Variants in OPCML observed in about 807,000 individuals in gnomAD.
OPCML encodes opioid-binding protein/cell adhesion molecule.
In OPCML, 13 loss-of-function variants were observed where a neutral mutation model predicts 37.8. The observed-to-expected ratio is 0.34, with a 90% CI of 0.22 to 0.55. The LOEUF is 0.55. Ranked by LOEUF, OPCML falls within the 20% of genes least tolerant of loss-of-function variation. The probability of loss-of-function intolerance (pLI) is 0.91; values close to 1 mark genes in which losing one functional copy is unlikely to be tolerated. For synonymous variants in OPCML, 176 were observed against 168.8 expected, an observed-to-expected ratio of 1.04 and a Z score of -0.33; for missense variants, 341 against 435.6, an observed-to-expected ratio of 0.78 and a Z score of 1.93.
chr11:133,345,908 T>C (rs1418237123), intron 1 of OPCML, among the ~76,000 whole-genome samples: 1 of 152,194 alleles, frequency 6.6e-6, no homozygotes, highest in Non-Finnish European at 1.5e-5. Context: ...ACACAGGCAC[T>C]CTAGATTTCG....
At chr11:133,264,870 G>A (rs1036984013) in intron 1 of OPCML, among the ~76,000 whole-genome samples, 1 of 152,108 alleles carries the variant, frequency 6.6e-6, no homozygotes, top group Non-Finnish European at 1.5e-5. Context: ...TCGGAGGGAG[G>A]GTTCTAATAT....
chr11:133,370,387 A>T (rs1438827523), intron 1 of OPCML, among the ~76,000 whole-genome samples: 2 of 152,148 alleles, frequency 1.3e-5, no homozygotes, highest in East Asian at 3.8e-4. Flanking sequence ...CAGTCTGTAA[A>T]ATCAATATAC....
At chr11:132,470,803 C>T (rs1312095667) in intron 4 of OPCML, among the ~76,000 whole-genome samples, 1 of 152,188 alleles carries the variant, frequency 6.6e-6, no homozygotes, top group Non-Finnish European at 1.5e-5. Context: ...ATGCTCTTAA[C>T]CATTCTACTA....
At chr11:132,801,918 T>G (rs1303230087) in intron 2 of OPCML, among the ~76,000 whole-genome samples, 1 of 152,204 alleles carries the variant, frequency 6.6e-6, no homozygotes, top group Non-Finnish European at 1.5e-5. Context: ...CCTCTTTAGA[T>G]GTTTCTGAGG....
At chr11:133,382,318 G>A (rs1238394385) in intron 1 of OPCML, among the ~76,000 whole-genome samples, 1 of 152,166 alleles carries the variant, frequency 6.6e-6, no homozygotes, top group African/African-American at 2.4e-5. Flanking sequence ...TGGCAGGAGG[G>A]GTGGGGAATT....
At chr11:132,923,878 C>T (rs1010243128) in intron 2 of OPCML, among the ~76,000 whole-genome samples, 1 of 150,422 alleles carries the variant, frequency 6.6e-6, no homozygotes, top group African/African-American at 2.4e-5. Context: ...ATTCTCCTTC[C>T]TCAGCCTCCC....
At chr11:132,524,542 A>T (rs1394032112) in intron 4 of OPCML, among the ~76,000 whole-genome samples, 1 of 152,212 alleles carries the variant, frequency 6.6e-6, no homozygotes, top group African/African-American at 2.4e-5. Flanking sequence ...GAATGAATAC[A>T]CAGTCAAAAG....
At chr11:132,447,464 A>ATTTTTTTTTTTT (rs537083917) in intron 4 of OPCML, among the ~76,000 whole-genome samples, 1 of 142,616 alleles carries the variant, frequency 7.0e-6, no homozygotes. Flanking sequence ...TGCCCAGTTA[A>ATTTTTTTTTTTT]TTTTTTTTTT....
intron 1 of OPCML, among the ~76,000 whole-genome samples, chr11:133,117,081 T>C (rs892580000): frequency 1.3e-5 from 2 of 152,200 alleles, no homozygotes; most frequent in Non-Finnish European, 2.9e-5. Flanking sequence ...TCTGCTATTT[T>C]TGTTACAGTC....
chr11:133,051,326 A>G (rs184782873), intron 1 of OPCML, among the ~76,000 whole-genome samples: 1 of 152,316 alleles, frequency 6.6e-6, no homozygotes, highest in East Asian at 1.9e-4. Flanking sequence ...GGGAACTGAG[A>G]CACAGATGAT....
chr11:133,099,106 A>G (rs906381225), intron 1 of OPCML, among the ~76,000 whole-genome samples: 24 of 152,272 alleles, frequency 1.6e-4, no homozygotes, highest in African/African-American at 5.8e-4. Flanking sequence ...GATAAATATG[A>G]TAACATATAC....
chr11:133,005,205 T>C (rs1213703006), intron 1 of OPCML: 1 of 985,282 alleles, frequency 1.0e-6, no homozygotes, highest in East Asian at 1.1e-4. Flanking sequence ...ATATCCCCAC[T>C]GCCAACCACA....
At chr11:133,125,324 A>G (rs970431514) in intron 1 of OPCML, among the ~76,000 whole-genome samples, 1 of 152,052 alleles carries the variant, frequency 6.6e-6, no homozygotes, top group Admixed American at 6.5e-5. Context: ...TTTACCTACC[A>G]GAACTCTTTG....
At chr11:132,847,207 G>A (rs557245556) in intron 2 of OPCML, among the ~76,000 whole-genome samples, 2 of 152,246 alleles carry the variant, frequency 1.3e-5, no homozygotes, top group Middle Eastern at 3.4e-3. Context: ...TAAAAAGAAC[G>A]AAAACCAGTA....
chr11:132,678,646 G>A (rs1264056216), intron 2 of OPCML, among the ~76,000 whole-genome samples: 1 of 152,168 alleles, frequency 6.6e-6, no homozygotes, highest in Non-Finnish European at 1.5e-5. Context: ...GCTACATATT[G>A]TATGATTCCA....
At chr11:133,093,344 C>A (rs1353982147) in intron 1 of OPCML, among the ~76,000 whole-genome samples, 1 of 151,342 alleles carries the variant, frequency 6.6e-6, no homozygotes, top group Non-Finnish European at 1.5e-5. Flanking sequence ...GCAGAATGTA[C>A]AGGTTTGCTA....
intron 3 of OPCML, among the ~76,000 whole-genome samples, chr11:132,655,628 A>T (rs1050887746): frequency 4.6e-5 from 7 of 152,192 alleles, no homozygotes; most frequent in African/African-American, 9.6e-5. Context: ...GCTGGGCAGG[A>T]GCAAAGCTTC....
At chr11:133,432,993 C>T (rs977363621) in intron 1 of OPCML, among the ~76,000 whole-genome samples, 4 of 152,132 alleles carry the variant, frequency 2.6e-5, no homozygotes, top group Middle Eastern at 3.2e-3. Flanking sequence ...TTATGAATCT[C>T]TATTCTAGAT....
intron 1 of OPCML, among the ~76,000 whole-genome samples, chr11:133,527,726 A>G (rs1948517955): frequency 6.6e-6 from 1 of 152,224 alleles, no homozygotes; most frequent in Non-Finnish European, 1.5e-5. Flanking sequence ...GCAGTTGGAA[A>G]CAAGGTTCAT....
Sources: gnomAD v4.1 joint callset for allele counts (sites outside exome capture counted in the v4.1 genomes callset) on GRCh38, gnomAD v4.1.1 for gene constraint, MANE v1.5 for transcripts, NCBI Gene and HGNC (gene_info 2026-07-23, HGNC 2026-07-21) for gene names.